Variants in MTMR8 observed in about 807,000 individuals in gnomAD.
The protein encoded by MTMR8 is phosphatidylinositol-3,5-bisphosphate 3-phosphatase MTMR8.
MTMR8 carries 65 observed loss-of-function variants against 39.3 expected under a neutral mutation model. The observed-to-expected ratio is 1.65, with a 90% confidence interval of 1.35 to 2.03. The LOEUF is 2.03. Among genes scored for constraint, MTMR8 ranks in the 30% most tolerant of loss-of-function variants. The pLI is 0.00. For synonymous variants in MTMR8, 245 were observed against 185.2 expected, an observed-to-expected ratio of 1.32 and a Z score of -2.62; for missense variants, 777 against 538.9, an observed-to-expected ratio of 1.44 and a Z score of -4.37.
At chrX:64,369,548 G>A (rs1924072635) in intron 1 of MTMR8, among the ~76,000 whole-genome samples, 1 of 110,701 alleles carries the variant, frequency 9.0e-6, no homozygotes, top group Admixed American at 9.7e-5. Flanking sequence ...CTCACTCACA[G>A]GTGGGAATTG....
intron 1 of MTMR8, among the ~76,000 whole-genome samples, chrX:64,385,800 A>G (rs898244676): frequency 9.0e-6 from 1 of 111,220 alleles, no homozygotes; most frequent in Non-Finnish European, 1.9e-5. Flanking sequence ...CCATGATCCA[A>G]TTACCTCTCA....
chrX:64,306,797 C>G, intron 12 of MTMR8: 2 of 111,336 alleles, frequency 1.8e-5, no homozygotes, highest in South Asian at 7.8e-4. Context: ...CCCCAACCAC[C>G]ATGCCACACC....
intron 12 of MTMR8, among the ~76,000 whole-genome samples, chrX:64,302,115 C>G (rs1021580402): frequency 1.3e-4 from 15 of 112,898 alleles, no homozygotes; most frequent in Non-Finnish European, 2.2e-4. Flanking sequence ...TTTCTGGCTG[C>G]TTTGTTTACC....
At chrX:64,269,935 T>A (rs1276614862) in intron 13 of MTMR8, among the ~76,000 whole-genome samples, 1 of 111,439 alleles carries the variant, frequency 9.0e-6, no homozygotes, top group African/African-American at 3.3e-5. Context: ...TCTGGGTATA[T>A]GTGAAATGAA....
chrX:64,367,530 G>A (rs1367895364), intron 1 of MTMR8, among the ~76,000 whole-genome samples: 13 of 111,905 alleles, frequency 1.2e-4, no homozygotes, highest in Non-Finnish European at 2.1e-4. Flanking sequence ...CTCAATAGAT[G>A]CAGAAAAGGC....
Position 64,268,426 on chromosome X carries a change from T to A in MTMR8, c.*111A>T, listed in dbSNP as rs1931675593. ...TTCCAGACTTAAGTGGGGAGAGGGGTGCCCTGGCTTCACCCACTTAAACCA... is the reference window on the plus strand; with the variant it reads ...TTCCAGACTTAAGTGGGGAGAGGGGAGCCCTGGCTTCACCCACTTAAACCA... On this transcript the variant is annotated 3_prime_UTR_variant, in exon 14 of 14. Coordinates refer to ENST00000374852, the MANE Select transcript of MTMR8 (RefSeq NM_017677.4). The A allele has an allele frequency of 1.1e-6, 1 of 922,760 alleles. No individual in the cohort carries two copies. The highest frequency in any genetic ancestry group is 2.0e-5 in the African/African-American group (1 of 50,329). 76.0% of individuals were successfully genotyped at this position (922,760 alleles called of 1,213,427 possible). A position where few individuals can be genotyped will look rare whatever the true frequency, so the allele number is the denominator to read the frequency against.
intron 12 of MTMR8, among the ~76,000 whole-genome samples, chrX:64,304,861 T>C (rs371530052): frequency 0.041 from 153 of 3,777 alleles, 1 homozygote; most frequent in African/African-American, 0.37. Flanking sequence ...ATCAAACATT[T>C]ATATATATAT....
chrX:64,319,497 G>T (rs905806071), intron 12 of MTMR8, among the ~76,000 whole-genome samples: 2 of 111,994 alleles, frequency 1.8e-5, no homozygotes, highest in Non-Finnish European at 3.8e-5. Flanking sequence ...GTCCTGAATG[G>T]TATTGCCTAG....
chrX:64,302,039 C>T (rs1173198667), intron 12 of MTMR8, among the ~76,000 whole-genome samples: 1 of 112,776 alleles, frequency 8.9e-6, no homozygotes, highest in Non-Finnish European at 1.9e-5. Flanking sequence ...GCCCTGCCCC[C>T]AGAGGTGGAG....
chrX:64,334,168 T>C (rs1329605250), intron 10 of MTMR8, among the ~76,000 whole-genome samples: 1 of 110,741 alleles, frequency 9.0e-6, no homozygotes, highest in Non-Finnish European at 1.9e-5. Flanking sequence ...CTGAATAGTC[T>C]CCCTACTAGA....
intron 1 of MTMR8, among the ~76,000 whole-genome samples, chrX:64,383,357 T>C (rs1478362449): frequency 9.1e-6 from 1 of 109,561 alleles, no homozygotes; most frequent in Non-Finnish European, 1.9e-5. Flanking sequence ...TTGGAGACAG[T>C]ATTATATATA....
At chrX:64,367,407 C>T (rs142617613) in intron 1 of MTMR8, among the ~76,000 whole-genome samples, 1,500 of 111,845 alleles carry the variant, frequency 0.013, 24 homozygotes, top group African/African-American at 0.045. Flanking sequence ...AAACCTTATC[C>T]ACCATGATCA....
intron 12 of MTMR8, among the ~76,000 whole-genome samples, chrX:64,328,372 G>C (rs934042563): frequency 3.6e-5 from 4 of 111,773 alleles, no homozygotes; most frequent in African/African-American, 1.3e-4. Context: ...TTCTTTGTGA[G>C]TGCCTCAGCC....
chrX:64,338,314 A>G lies in MTMR8; in HGVS notation c.976-921T>C, dbSNP rs1054789318. Among the ~76,000 whole-genome samples the G allele has an allele frequency of 2.7e-5, 3 of 112,197 alleles. No homozygotes were observed. The East Asian group carries it at 8.4e-4, about 31-fold the overall frequency. On this transcript the variant is annotated intron_variant, in intron 8 of 13. Transcript: ENST00000374852. Reference sequence around the variant, plus strand: ...ACACTTAAATGCATGACTGCAAACCAATGAAAAATAAAAGGGGAAAATCCA... The same window carrying G: ...ACACTTAAATGCATGACTGCAAACCGATGAAAAATAAAAGGGGAAAATCCA...
chrX:64,313,885 T>C (rs1922386121), intron 12 of MTMR8, among the ~76,000 whole-genome samples: 1 of 112,724 alleles, frequency 8.9e-6, no homozygotes, highest in Non-Finnish European at 1.9e-5. Context: ...GCTGTCATAG[T>C]TCTTGCACTC....
At chrX:64,285,121 G>C (rs878952519) in intron 12 of MTMR8, among the ~76,000 whole-genome samples, 1 of 111,394 alleles carries the variant, frequency 9.0e-6, no homozygotes, top group Non-Finnish European at 1.9e-5. Context: ...TAAAGGGATG[G>C]AGGAAGATCT....
intron 1 of MTMR8, among the ~76,000 whole-genome samples, chrX:64,381,438 A>G (rs1602157772): frequency 1.1e-5 from 1 of 93,127 alleles, no homozygotes; most frequent in African/African-American, 5.5e-5. Flanking sequence ...CTACTTTTCG[A>G]TGGGGTTGTT....
chrX:64,353,621 C>T lies in MTMR8; in HGVS notation c.468+1156G>A, dbSNP rs190933439. On this transcript the variant is annotated intron_variant, in intron 4 of 13. Coordinates refer to ENST00000374852, the MANE Select transcript of MTMR8 (RefSeq NM_017677.4). ...GGTGAGGATATGGAGAAAATGAAAT[C>T]TTCATACACAATTGGTAGGAATGTA... Among the ~76,000 whole-genome samples, 42 of 111,661 alleles carry T rather than the reference C, an allele frequency of 3.8e-4. No homozygotes were observed. The East Asian group carries it at 5.1e-3, about 14-fold the overall frequency.
rs1931930696 is a variant in MTMR8, at chrX:64,278,462, T to G, written c.1482-7389A>C. Among the ~76,000 whole-genome samples the G allele has an allele frequency of 4.5e-4, 3 of 6,646 alleles. 1 individual carries two copies. Among genetic ancestry groups the G allele is most frequent in the African/African-American group, 2.1e-3 (3 of 1,451 alleles). The allele number at this position is 6,646 out of a possible 115,157, so 5.8% of individuals were successfully genotyped here. Reference sequence around the variant, plus strand: ...TGTTGATGCTATTTATTTTGCTGGTTTTTTTTTTTTTTTTTTTTTTTTTTT... The same window carrying G: ...TGTTGATGCTATTTATTTTGCTGGTGTTTTTTTTTTTTTTTTTTTTTTTTT... On this transcript the variant is annotated intron_variant, in intron 12 of 13. Transcript: ENST00000374852.
Sources: gnomAD v4.1 joint callset for allele counts (sites outside exome capture counted in the v4.1 genomes callset) on GRCh38, gnomAD v4.1.1 for gene constraint, MANE v1.5 for transcripts, NCBI Gene and HGNC (gene_info 2026-07-23, HGNC 2026-07-21) for gene names.